Variants in GLG1 observed in about 807,000 individuals in gnomAD.
GLG1 encodes golgi glycoprotein 1.
Under a neutral mutation model 160.5 loss-of-function variants are expected in GLG1, and 38 were observed. The ratio of observed to expected loss-of-function variants is 0.24; its 90% CI spans 0.18 to 0.31. GLG1 has a LOEUF of 0.31. Among genes scored for constraint, GLG1 ranks in the 10% least tolerant of loss-of-function variants. GLG1 has a pLI of 1.00. For missense variants in GLG1, 1,373 were observed against 1,505.2 expected (o/e 0.91, Z 1.45); for synonymous variants, 644 against 543.4 (o/e 1.19, Z -2.57).
chr16:74,532,954 A>T (rs545881612), intron 1 of GLG1, among the ~76,000 whole-genome samples: 148 of 151,974 alleles, frequency 9.7e-4, no homozygotes, highest in African/African-American at 3.3e-3. Flanking sequence ...AAAGTTTTTT[A>T]AAAAAAACAT....
At chr16:74,488,726 T>G (rs138025552) in intron 8 of GLG1, among the ~76,000 whole-genome samples, 1 of 152,206 alleles carries the variant, frequency 6.6e-6, no homozygotes, top group African/African-American at 2.4e-5. Context: ...TTCAAGCGAT[T>G]CTCCTACCTC....
At chr16:74,596,456 G>A (rs1438538661) in intron 1 of GLG1, among the ~76,000 whole-genome samples, 1 of 151,698 alleles carries the variant, frequency 6.6e-6, no homozygotes. Context: ...TTGAACTCGG[G>A]AGGCAGAGGT....
At chr16:74,469,123 C>T in intron 16 of GLG1, 60 bp from the exon 17 acceptor site, 1 of 1,103,532 alleles carries the variant, frequency 9.1e-7, no homozygotes, top group South Asian at 1.2e-5. Context: ...GGCCTGAGAG[C>T]TGGGCTTGGG....
intron 1 of GLG1, among the ~76,000 whole-genome samples, chr16:74,582,352 G>A (rs1259513534): frequency 6.6e-6 from 1 of 152,024 alleles, no homozygotes; most frequent in Non-Finnish European, 1.5e-5. Flanking sequence ...TTTTAGTAGA[G>A]ATGGGGTTTC....
chr16:74,497,372 A>G (rs904838187), intron 4 of GLG1, among the ~76,000 whole-genome samples: 1 of 150,098 alleles, frequency 6.7e-6, no homozygotes, highest in Non-Finnish European at 1.5e-5. Context: ...CTGAAATTAC[A>G]CTGCTGAAAT....
chr16:74,458,730 A>C (rs1449943194), intron 23 of GLG1, among the ~76,000 whole-genome samples: 1 of 152,236 alleles, frequency 6.6e-6, no homozygotes, highest in African/African-American at 2.4e-5. Context: ...TGTTTACAAA[A>C]TGTTCTACTT....
chr16:74,579,874 C>T (rs1957900200), intron 1 of GLG1, among the ~76,000 whole-genome samples: 3 of 151,628 alleles, frequency 2.0e-5, no homozygotes, highest in Admixed American at 6.6e-5. Context: ...ACCATCCTGG[C>T]CAACATGGTG....
At chr16:74,550,923 A>C (rs1316077830) in intron 1 of GLG1, among the ~76,000 whole-genome samples, 1 of 152,178 alleles carries the variant, frequency 6.6e-6, no homozygotes, top group Non-Finnish European at 1.5e-5. Context: ...CACCATTCCA[A>C]ATTTTGTACA....
rs1370015363 is a variant in GLG1, at chr16:74,496,381, A to G, written c.978+60T>C. ...AAACAACACAATTAAATTAATTAAA[A>G]CAAAATTATATATGTGTAAAAATAA... On this transcript the variant is annotated intron_variant, in intron 5 of 25. Coordinates refer to ENST00000422840, the MANE Select transcript of GLG1 (RefSeq NM_001145667.2). The G allele has an allele frequency of 3.5e-6, 4 of 1,155,564 alleles. No homozygotes were observed. The Admixed American group carries it at 7.8e-5, about 22-fold the overall frequency. The allele number at this position is 1,155,564 out of a possible 1,614,324, so 71.6% of individuals were successfully genotyped here.
chr16:74,588,616 G>A (rs1483865280), intron 1 of GLG1, among the ~76,000 whole-genome samples: 2 of 151,876 alleles, frequency 1.3e-5, no homozygotes, highest in Non-Finnish European at 2.9e-5. Flanking sequence ...ATGAGGTTTC[G>A]CCATGTTGCC....
At chr16:74,601,430 A>C (rs1004529495) in intron 1 of GLG1, among the ~76,000 whole-genome samples, 3 of 152,078 alleles carry the variant, frequency 2.0e-5, no homozygotes, top group Non-Finnish European at 4.4e-5. Context: ...AATTAAAAAA[A>C]AAAAAAAGTA....
intron 1 of GLG1, among the ~76,000 whole-genome samples, chr16:74,545,764 G>C (rs1333953063): frequency 6.6e-6 from 1 of 152,176 alleles, no homozygotes; most frequent in African/African-American, 2.4e-5. Context: ...CAAACCAAGA[G>C]GGTATTGGTT....
chr16:74,578,651 G>A (rs1042048855), intron 1 of GLG1, among the ~76,000 whole-genome samples: 5 of 152,142 alleles, frequency 3.3e-5, no homozygotes, highest in African/African-American at 9.6e-5. Flanking sequence ...AAAGGGAGAC[G>A]AAGAGATTAA....
intron 2 of GLG1, among the ~76,000 whole-genome samples, chr16:74,523,030 C>T (rs1023489969): frequency 5.9e-5 from 9 of 152,126 alleles, no homozygotes; most frequent in South Asian, 2.1e-4. Flanking sequence ...ATTTATCAGT[C>T]TTTTTGCTTT....
At chr16:74,551,823 T>TA (rs1405228098) in intron 1 of GLG1, among the ~76,000 whole-genome samples, 1 of 152,066 alleles carries the variant, frequency 6.6e-6, no homozygotes, top group African/African-American at 2.4e-5. Context: ...GGTATCTTTT[T>TA]AAGATACTTT....
At chr16:74,482,370 T>C (rs745682594) in intron 10 of GLG1, among the ~76,000 whole-genome samples, 5 of 152,096 alleles carry the variant, frequency 3.3e-5, no homozygotes, top group Non-Finnish European at 5.9e-5. Flanking sequence ...GCCACTGAAC[T>C]TGAAAAGCTA....
At chr16:74,549,565 C>T (rs893547145) in intron 1 of GLG1, among the ~76,000 whole-genome samples, 5 of 152,174 alleles carry the variant, frequency 3.3e-5, no homozygotes, top group East Asian at 1.9e-4. Flanking sequence ...AGATTACAGG[C>T]GTGAGCCGCT....
intron 8 of GLG1, among the ~76,000 whole-genome samples, chr16:74,486,924 T>TCC (rs36122087): frequency 0.11 from 17,158 of 149,574 alleles, 1,088 homozygotes; most frequent in Middle Eastern, 0.16. Context: ...CTTTTTTTTT[T>TCC]CCCCCCCGAG....
At chr16:74,542,853 T>G (rs181931782) in intron 1 of GLG1, among the ~76,000 whole-genome samples, 1 of 151,634 alleles carries the variant, frequency 6.6e-6, no homozygotes, top group Non-Finnish European at 1.5e-5. Context: ...GACAATACCA[T>G]TAATGTTTAC....
Sources: gnomAD v4.1 joint callset for allele counts (sites outside exome capture counted in the v4.1 genomes callset) on GRCh38, gnomAD v4.1.1 for gene constraint, MANE v1.5 for transcripts, NCBI Gene and HGNC (gene_info 2026-07-23, HGNC 2026-07-21) for gene names.